The following LINS1 variants were observed in gnomAD, a reference collection of about 807,000 sequenced individuals.
LINS1 encodes lines homolog 1.
In LINS1, 27 loss-of-function variants were observed where a neutral mutation model predicts 41.6. The observed-to-expected ratio is 0.65, with a 90% CI of 0.48 to 0.89. The LOEUF (loss-of-function observed/expected upper bound fraction) is 0.89. LINS1 is among the 40% of genes least tolerant of loss of function. The pLI, the probability that LINS1 is intolerant of heterozygous loss-of-function variation, is 0.00. For missense variants in LINS1, 955 were observed against 884.1 expected, an observed-to-expected ratio of 1.08 and a Z score of -1.02; for synonymous variants, 336 against 312.9, an observed-to-expected ratio of 1.07 and a Z score of -0.78.
At chr15:100,571,865 G>T (rs143841134) in intron 6 of LINS1, 29 bp downstream of exon 6, 3 of 1,612,966 alleles carry the variant, frequency 1.9e-6, no homozygotes, top group Non-Finnish European at 2.5e-6. Context: ...CTTGTAGGCC[G>T]TTCAATAATT....
At chr15:100,599,455 C>G (rs2039380364) in intron 1 of LINS1, among the ~76,000 whole-genome samples, 1 of 152,166 alleles carries the variant, frequency 6.6e-6, no homozygotes, top group Non-Finnish European at 1.5e-5. Flanking sequence ...AACTCAAAGG[C>G]AGGATTTTTA....
chr15:100,598,348 G>A (rs760895215), intron 1 of LINS1, among the ~76,000 whole-genome samples: 20 of 152,070 alleles, frequency 1.3e-4, no homozygotes, highest in Non-Finnish European at 2.5e-4. Flanking sequence ...GTACCGTTTT[G>A]ATCTCAAAAA....
intron 3 of LINS1, among the ~76,000 whole-genome samples, chr15:100,577,269 T>C (rs2038241634): frequency 6.6e-6 from 1 of 152,222 alleles, no homozygotes; most frequent in African/African-American, 2.4e-5. Context: ...ATTGTATATC[T>C]AGAAAACCCC....
intron 3 of LINS1, among the ~76,000 whole-genome samples, chr15:100,576,018 T>C (rs1280412493): frequency 6.6e-6 from 1 of 152,160 alleles, no homozygotes; most frequent in African/African-American, 2.4e-5. Flanking sequence ...GGGACACATT[T>C]AAAGCAGTAC....
chr15:100,574,177 G>A lies in LINS1; in HGVS notation c.696C>T (p.Phe232=), dbSNP rs1381107955. 7 of 1,613,692 alleles carry A rather than the reference G, an allele frequency of 4.3e-6. No individual in the cohort carries two copies. In the South Asian group the frequency reaches 4.4e-5, roughly 10 times the overall value. Residue 232 remains phenylalanine, a synonymous_variant, in exon 5 of 7, where the codon TTC becomes TTT. Transcript: ENST00000314742. The part of the protein sequence containing the change: ...TIFEVFYNSL[F]SQHFENCRDT... ...CCCGGCAGTTTTCAAAATGCTGAGA[G>A]AATAAGGAATTGTAAAACACTTCAA...
At chr15:100,599,683 C>A (rs935197791) in intron 1 of LINS1, among the ~76,000 whole-genome samples, 19 of 152,138 alleles carry the variant, frequency 1.2e-4, no homozygotes, top group African/African-American at 4.1e-4. Flanking sequence ...CCCTCTTTTT[C>A]CTTCTTTTTG....
In LINS1 at chr15:100,567,901, G is replaced by A. The variant is rs191374044; in HGVS notation, c.*1337C>T. The A allele has an allele frequency of 3.3e-5, 5 of 151,800 alleles. No homozygotes were observed. The highest frequency in any genetic ancestry group is 1.9e-4 in the East Asian group (1 of 5,172). The allele number at this position is 151,800 out of a possible 1,614,324, so 9.4% of individuals were successfully genotyped here. On this transcript the variant is annotated 3_prime_UTR_variant, in exon 7 of 7. Coordinates refer to ENST00000314742, the MANE Select transcript of LINS1 (RefSeq NM_001040616.3). ...CCTGAATTAAGTACTAAACTGTTTC[G>A]AATACCATAGCCTTAATATATATTT...
chr15:100,594,684 T>C (rs2039172644), intron 1 of LINS1, among the ~76,000 whole-genome samples: 1 of 152,190 alleles, frequency 6.6e-6, no homozygotes, highest in Non-Finnish European at 1.5e-5. Flanking sequence ...TTACACTGTA[T>C]GGTTTAGAAA....
At chr15:100,593,559 T>TGGGCG (rs1270777242) in intron 1 of LINS1, among the ~76,000 whole-genome samples, 2 of 113,316 alleles carry the variant, frequency 1.8e-5, no homozygotes, top group Admixed American at 7.9e-5. Context: ...TACAACTTTA[T>TGGGCG]GGGGGGGGGG....
intron 6 of LINS1, 58 bp from the exon 7 acceptor site, chr15:100,570,175 T>C (rs1442782043): frequency 4.5e-6 from 6 of 1,331,428 alleles, no homozygotes; most frequent in African/African-American, 1.4e-5. Flanking sequence ...TAAACAGTTT[T>C]ACCAGATATA....
At chr15:100,581,376 T>C (rs1342383256) in intron 1 of LINS1, among the ~76,000 whole-genome samples, 1 of 152,198 alleles carries the variant, frequency 6.6e-6, no homozygotes, top group African/African-American at 2.4e-5. Context: ...AACCAAAAAA[T>C]GTCTGCAGAC....
chr15:100,599,970 A>G (rs146200360), intron 1 of LINS1, among the ~76,000 whole-genome samples: 2,372 of 152,222 alleles, frequency 0.016, 38 homozygotes, highest in Non-Finnish European at 0.022. Context: ...GGAGGCTGGG[A>G]CAGGAGAACT....
chr15:100,585,435 G>A (rs1278876787), intron 1 of LINS1, among the ~76,000 whole-genome samples: 2 of 152,198 alleles, frequency 1.3e-5, no homozygotes, highest in African/African-American at 2.4e-5. Flanking sequence ...TTCTGAGCAG[G>A]GGGCCTGGTT....
intron 3 of LINS1, among the ~76,000 whole-genome samples, chr15:100,576,070 C>A (rs2038157512): frequency 6.6e-6 from 1 of 152,106 alleles, no homozygotes; most frequent in Non-Finnish European, 1.5e-5. Flanking sequence ...CAAGAGAAAG[C>A]AGGAAAGATC....
In LINS1 at chr15:100,568,437, GGACACA is replaced by G. The variant is rs1218832619; in HGVS notation, c.*795_*800del. Reference sequence around the variant, plus strand: ...CCGATGTCCTTGTAGGAGGGAAACTGGACACAGACACAGGAAAATGCCATGTGAGGC... The same window carrying G: ...CCGATGTCCTTGTAGGAGGGAAACTGGACACAGGAAAATGCCATGTGAGGC... On this transcript the variant is annotated 3_prime_UTR_variant, in exon 7 of 7. Coordinates refer to ENST00000314742, the MANE Select transcript of LINS1 (RefSeq NM_001040616.3). 6.6e-6 allele frequency: 1 copy of G among 152,230 alleles called. No individual in the cohort carries two copies. The highest frequency in any genetic ancestry group is 1.5e-5 in the Non-Finnish European group (1 of 68,094). The allele number at this position is 152,230 out of a possible 1,614,324, so 9.4% of individuals were successfully genotyped here. A position where few individuals can be genotyped will look rare whatever the true frequency, so the allele number is the denominator to read the frequency against.
chr15:100,593,325 G>C (rs532377377), intron 1 of LINS1, among the ~76,000 whole-genome samples: 1 of 151,958 alleles, frequency 6.6e-6, no homozygotes, highest in Non-Finnish European at 1.5e-5. Flanking sequence ...GTGGCCTAAG[G>C]GTTACCCATA....
chr15:100,589,928 T>C (rs2038961071), intron 1 of LINS1, among the ~76,000 whole-genome samples: 1 of 152,164 alleles, frequency 6.6e-6, no homozygotes, highest in Non-Finnish European at 1.5e-5. Context: ...CCTTCACAAA[T>C]CTAGAGCCTA....
Position 100,579,190 on chromosome 15 carries a change from A to G in LINS1, c.489+1073T>C, listed in dbSNP as rs556136790. Among the ~76,000 whole-genome samples, 150 of 148,554 alleles carry G rather than the reference A, an allele frequency of 1.0e-3. 1 individual carries two copies. Among genetic ancestry groups the G allele is most frequent in the Non-Finnish European group, 1.7e-3 (117 of 67,850 alleles). On this transcript the variant is annotated intron_variant, in intron 3 of 6. Transcript: ENST00000314742. ...AAAGTATAATAAAAATATATATATA[A>G]AAAAATAAAAAACTAAAAATAAAAA...
intron 3 of LINS1, among the ~76,000 whole-genome samples, chr15:100,575,406 A>G (rs2038108019): frequency 6.6e-6 from 1 of 152,240 alleles, no homozygotes; most frequent in African/African-American, 2.4e-5. Flanking sequence ...TTAAACCAAC[A>G]AACATCAAAA....
Sources: allele counts gnomAD v4.1 joint callset (sites outside exome capture counted in the v4.1 genomes callset), GRCh38; gene constraint gnomAD v4.1.1; transcripts MANE v1.5; gene names NCBI Gene and HGNC (gene_info 2026-07-23, HGNC 2026-07-21).